Variants in SLC9D1 observed in about 807,000 individuals in gnomAD.
SLC9D1 encodes putative LAG1-interacting protein.
the SLC9D1 span, among the ~76,000 whole-genome samples, chr13:113,531,261 T>C: frequency 1.3e-5 from 2 of 152,174 alleles, no homozygotes; most frequent in Admixed American, 6.5e-5. Flanking sequence ...TGGCCAGACA[T>C]GCTGATGGGA....
chr13:113,523,166 G>T, the SLC9D1 span, among the ~76,000 whole-genome samples: 1 of 151,352 alleles, frequency 6.6e-6, no homozygotes, highest in African/African-American at 2.4e-5. Flanking sequence ...AGTCATACTA[G>T]GTTCACAAAA....
the SLC9D1 span, chr13:113,520,827 G>A: frequency 2.5e-5 from 23 of 903,614 alleles, no homozygotes; most frequent in Middle Eastern, 3.2e-4. Flanking sequence ...GATGTTCTGA[G>A]CTCAGATGGC....
chr13:113,547,736 C>T, the SLC9D1 span, among the ~76,000 whole-genome samples: 21 of 152,334 alleles, frequency 1.4e-4, no homozygotes, highest in African/African-American at 4.8e-4. Flanking sequence ...GTCTGTCCCC[C>T]GTGACTGCCA....
chr13:113,539,616 A>G, the SLC9D1 span: 1 of 1,204,970 alleles, frequency 8.3e-7, no homozygotes, highest in Non-Finnish European at 1.2e-6. This position sits in a 1 kb window ranked among gnomAD's most constrained non-coding sequence, Gnocchi z 4.8. Flanking sequence ...GTTATCTTAA[A>G]AATTAAGTGT....
the SLC9D1 span, among the ~76,000 whole-genome samples, chr13:113,494,670 A>G: frequency 2.0e-5 from 3 of 152,080 alleles, no homozygotes; most frequent in East Asian, 5.8e-4. Flanking sequence ...ATATATATAT[A>G]TTTTTAATTC....
chr13:113,524,257 A>G, the SLC9D1 span: 2 of 434,124 alleles, frequency 4.6e-6, no homozygotes, highest in Non-Finnish European at 9.2e-6. Context: ...TGCTCTATGT[A>G]TTTTGGGGCT....
the SLC9D1 span, chr13:113,549,727 A>G: frequency 3.9e-6 from 3 of 771,794 alleles, no homozygotes; most frequent in African/African-American, 3.4e-5. Context: ...TTTCCGGAGT[A>G]GTTTATTTGC....
chr13:113,499,172 C>T, the SLC9D1 span, among the ~76,000 whole-genome samples: 2 of 152,172 alleles, frequency 1.3e-5, no homozygotes, highest in African/African-American at 4.8e-5. Context: ...GAGTGTCATT[C>T]CACATGCTAA....
chr13:113,539,662 G>A, the SLC9D1 span, among the ~76,000 whole-genome samples: 2 of 152,200 alleles, frequency 1.3e-5, no homozygotes, highest in Admixed American at 1.3e-4. This position sits in a 1 kb window ranked among gnomAD's most constrained non-coding sequence, Gnocchi z 4.8. Flanking sequence ...CTAGTAGCCA[G>A]AAACTGTTTT....
At chr13:113,520,717 G>C in the SLC9D1 span, 5 of 1,612,182 alleles carry the variant, frequency 3.1e-6, no homozygotes, top group East Asian at 8.9e-5. Flanking sequence ...ACAGGCGGGC[G>C]CCAGTGCATC....
the SLC9D1 span, among the ~76,000 whole-genome samples, chr13:113,525,297 G>A: frequency 6.6e-6 from 1 of 152,204 alleles, no homozygotes; most frequent in African/African-American, 2.4e-5. Context: ...TAACGTCACA[G>A]GGCAGTGTAA....
the SLC9D1 span, among the ~76,000 whole-genome samples, chr13:113,502,994 T>A: frequency 6.6e-6 from 1 of 152,246 alleles, no homozygotes; most frequent in African/African-American, 2.4e-5. Flanking sequence ...GGGCTCGCCT[T>A]GGCAGAATGG....
At chr13:113,507,178 C>T in the SLC9D1 span, among the ~76,000 whole-genome samples, 1 of 152,102 alleles carries the variant, frequency 6.6e-6, no homozygotes, top group Non-Finnish European at 1.5e-5. Flanking sequence ...CGTTGCCGAG[C>T]CTGTGCTGCT....
the SLC9D1 span, chr13:113,547,249 G>T: frequency 2.2e-6 from 3 of 1,354,098 alleles, no homozygotes; most frequent in African/African-American, 4.3e-5. Context: ...AATAGTGTGC[G>T]CTGGGGGAGG....
the SLC9D1 span, chr13:113,514,531 T>TGCTGTCACCCAG: frequency 1.2e-3 from 163 of 132,924 alleles, 4 homozygotes; most frequent in Middle Eastern, 4.1e-3. Flanking sequence ...GACCGAGTCT[T>TGCTGTCACCCAG]GCAACAGGAA....
At chr13:113,538,864 A>T in the SLC9D1 span, among the ~76,000 whole-genome samples, 43 of 152,322 alleles carry the variant, frequency 2.8e-4, no homozygotes, top group East Asian at 8.1e-3. Context: ...CGGCGCGCTG[A>T]TGTGGCTGCA....
chr13:113,496,605 A>G, the SLC9D1 span, among the ~76,000 whole-genome samples: 3 of 152,234 alleles, frequency 2.0e-5, no homozygotes, highest in African/African-American at 7.2e-5. Context: ...TCATTTCTTG[A>G]GTACCTCTAC....
the SLC9D1 span, chr13:113,503,352 TGTG>T: frequency 3.6e-6 from 1 of 276,484 alleles, no homozygotes; most frequent in Non-Finnish European, 5.5e-6. Flanking sequence ...TGATTGTGTG[TGTG>T]TGTGTGTGTG....
At chr13:113,542,763 A>G in the SLC9D1 span, among the ~76,000 whole-genome samples, 1 of 152,128 alleles carries the variant, frequency 6.6e-6, no homozygotes, top group African/African-American at 2.4e-5. Context: ...CCTGTGCTTT[A>G]CAGGGGCCAC....
Sources: allele counts gnomAD v4.1 joint callset (sites outside exome capture counted in the v4.1 genomes callset), GRCh38; gene constraint gnomAD v4.1.1; non-coding constraint Gnocchi (gnomAD v3.1); transcripts MANE v1.5; gene names NCBI Gene and HGNC (gene_info 2026-07-23, HGNC 2026-07-21).